The following LOC122539214 variants were observed in gnomAD, a reference collection of about 807,000 sequenced individuals.
the LOC122539214 span, among the ~76,000 whole-genome samples, chr19:52,684,357 C>T: frequency 2.8e-3 from 423 of 151,616 alleles, 3 homozygotes; most frequent in African/African-American, 9.9e-3. Flanking sequence ...CAGAGTGAGA[C>T]TCAAAAATAA....
the LOC122539214 span, chr19:52,653,928 C>T: frequency 9.3e-7 from 1 of 1,075,754 alleles, no homozygotes; most frequent in Non-Finnish European, 1.4e-6. Context: ...TGTGTTCTTC[C>T]TGGATTTGTG....
At chr19:52,653,318 G>A in the LOC122539214 span, 1 of 1,329,862 alleles carries the variant, frequency 7.5e-7, no homozygotes, top group Admixed American at 1.7e-5. Flanking sequence ...CATGTGTAAG[G>A]TTTCTCTCCA....
chr19:52,656,601 C>T, the LOC122539214 span, among the ~76,000 whole-genome samples: 2 of 152,128 alleles, frequency 1.3e-5, no homozygotes, highest in Non-Finnish European at 2.9e-5. Flanking sequence ...GGCATGGTGG[C>T]TCACACCTAT....
At chr19:52,683,138 G>A in the LOC122539214 span, among the ~76,000 whole-genome samples, 1 of 152,112 alleles carries the variant, frequency 6.6e-6, no homozygotes, top group Non-Finnish European at 1.5e-5. Flanking sequence ...CCAAAGTGCT[G>A]GCATTACAGG....
the LOC122539214 span, chr19:52,653,202 G>A: frequency 6.5e-7 from 1 of 1,528,380 alleles, no homozygotes; most frequent in Non-Finnish European, 9.0e-7. Flanking sequence ...ACTTCTGACT[G>A]AAGGTCTTGC....
the LOC122539214 span, among the ~76,000 whole-genome samples, chr19:52,676,303 A>C: frequency 2.0e-5 from 3 of 152,088 alleles, no homozygotes; most frequent in East Asian, 1.9e-4. Context: ...CCCAGGCTGG[A>C]GTGCAGTGGC....
chr19:52,684,986 G>A, the LOC122539214 span, among the ~76,000 whole-genome samples: 46 of 152,310 alleles, frequency 3.0e-4, no homozygotes, highest in South Asian at 1.2e-3. Flanking sequence ...TTTAGATTTG[G>A]CTGTGATGTC....
chr19:52,657,485 C>T, the LOC122539214 span, among the ~76,000 whole-genome samples: 1 of 147,210 alleles, frequency 6.8e-6, no homozygotes, highest in Non-Finnish European at 1.5e-5. Flanking sequence ...TGGTGGGCTC[C>T]CCACTGCACT....
At chr19:52,654,071 T>C in the LOC122539214 span, 3 of 1,595,666 alleles carry the variant, frequency 1.9e-6, no homozygotes, top group African/African-American at 2.7e-5. Context: ...TTATCAATTT[T>C]CCCTTCAGTC....
the LOC122539214 span, among the ~76,000 whole-genome samples, chr19:52,667,841 A>T: frequency 6.6e-6 from 1 of 152,242 alleles, no homozygotes; most frequent in African/African-American, 2.4e-5. Context: ...GTTTTATTAA[A>T]ATTAAGTTTA....
chr19:52,689,476 C>G, the LOC122539214 span, among the ~76,000 whole-genome samples: 86,276 of 147,436 alleles, frequency 0.59, 24,726 homozygotes, highest in African/African-American at 0.65. Flanking sequence ...CAGCACCACT[C>G]TGCTCTGTCT....
At chr19:52,682,713 G>T in the LOC122539214 span, among the ~76,000 whole-genome samples, 57 of 127,958 alleles carry the variant, frequency 4.5e-4, no homozygotes, top group Non-Finnish European at 8.5e-4. Context: ...AAAAGAAAAA[G>T]AAAAGATGTA....
chr19:52,687,616 GTATA>G, the LOC122539214 span, among the ~76,000 whole-genome samples: 1 of 15,822 alleles, frequency 6.3e-5, no homozygotes, highest in Non-Finnish European at 1.1e-4. Context: ...TATATAATGT[GTATA>G]TATATATATA....
the LOC122539214 span, among the ~76,000 whole-genome samples, chr19:52,670,962 A>C: frequency 6.6e-6 from 1 of 152,202 alleles, no homozygotes; most frequent in Non-Finnish European, 1.5e-5. Context: ...CTTCAGAGAA[A>C]ATAGATGATG....
chr19:52,661,547 G>A, the LOC122539214 span, among the ~76,000 whole-genome samples: 2 of 152,162 alleles, frequency 1.3e-5, no homozygotes, highest in African/African-American at 2.4e-5. Flanking sequence ...ATTATTGAGG[G>A]TGTGTCCCAT....
the LOC122539214 span, among the ~76,000 whole-genome samples, chr19:52,680,770 G>A: frequency 2.8e-5 from 4 of 141,128 alleles, no homozygotes; most frequent in Non-Finnish European, 4.6e-5. Flanking sequence ...CCGCCACTAC[G>A]CCCGGCTAAT....
chr19:52,659,229 G>A, the LOC122539214 span, among the ~76,000 whole-genome samples: 71,960 of 151,724 alleles, frequency 0.47, 17,425 homozygotes, highest in East Asian at 0.59. Context: ...CGTGAGGACC[G>A]CCCTCTTGAG....
the LOC122539214 span, among the ~76,000 whole-genome samples, chr19:52,664,873 G>A: frequency 3.3e-5 from 5 of 151,976 alleles, no homozygotes; most frequent in African/African-American, 4.8e-5. Context: ...TTTTGAAGGC[G>A]AAACCCACCA....
chr19:52,682,626 C>A, the LOC122539214 span, among the ~76,000 whole-genome samples: 4 of 151,992 alleles, frequency 2.6e-5, no homozygotes, highest in Non-Finnish European at 4.4e-5. Context: ...TGAGATTGCA[C>A]CACTGCTCTC....
Sources: allele counts gnomAD v4.1 joint callset (sites outside exome capture counted in the v4.1 genomes callset), GRCh38; gene constraint gnomAD v4.1.1; transcripts MANE v1.5.